ARHGEF7: variants seen among roughly 807,000 people sequenced by gnomAD.
ARHGEF7 encodes Rho guanine nucleotide exchange factor 7, also known as PAK-interacting exchange factor beta.
Under a neutral mutation model 109.8 loss-of-function variants are expected in ARHGEF7, and 33 were observed. That is an observed-to-expected ratio of 0.30 (90% confidence interval 0.23 to 0.40). The LOEUF (loss-of-function observed/expected upper bound fraction) is 0.40. Among genes scored for constraint, ARHGEF7 ranks in the 10% least tolerant of loss-of-function variants. The pLI, the probability that ARHGEF7 is intolerant of heterozygous loss-of-function variation, is 1.00. For missense variants in ARHGEF7, 938 were observed against 1,098.5 expected, an observed-to-expected ratio of 0.85 and a Z score of 2.07; for synonymous variants, 458 against 424.6, an observed-to-expected ratio of 1.08 and a Z score of -0.97.
At chr13:111,204,828 G>A (rs748182627) in intron 2 of ARHGEF7, among the ~76,000 whole-genome samples, 5 of 152,290 alleles carry the variant, frequency 3.3e-5, no homozygotes, top group East Asian at 3.9e-4. Flanking sequence ...TCTGATGTCC[G>A]CATTTTCTTT....
At chr13:111,128,804 C>G (rs1001380978) in intron 1 of ARHGEF7, among the ~76,000 whole-genome samples, 10 of 152,120 alleles carry the variant, frequency 6.6e-5, no homozygotes, top group African/African-American at 1.4e-4. Context: ...TTAAGCTGTT[C>G]TATTCATATT....
intron 8 of ARHGEF7, among the ~76,000 whole-genome samples, chr13:111,256,903 A>G (rs114571649): frequency 0.014 from 2,157 of 152,296 alleles, 46 homozygotes; most frequent in African/African-American, 0.048. Flanking sequence ...CATCCCAGAA[A>G]CTGGGGGTGA....
chr13:111,201,557 G>GT (rs1348855440), intron 2 of ARHGEF7, among the ~76,000 whole-genome samples: 5 of 152,210 alleles, frequency 3.3e-5, no homozygotes, highest in African/African-American at 1.2e-4. Context: ...ATTTTTAAAA[G>GT]TAAGAGTTTT....
intron 3 of ARHGEF7, among the ~76,000 whole-genome samples, chr13:111,206,842 G>A (rs972945675): frequency 6.6e-6 from 1 of 151,502 alleles, no homozygotes; most frequent in Non-Finnish European, 1.5e-5. Context: ...GGCACCTGTA[G>A]TCCCAGCTAC....
At chr13:111,283,560 G>A (rs1247329080) in intron 16 of ARHGEF7, among the ~76,000 whole-genome samples, 197 bp downstream of exon 16, 2 of 152,230 alleles carry the variant, frequency 1.3e-5, no homozygotes, top group African/African-American at 2.4e-5. Context: ...GTGGGAAGGC[G>A]ATGTGCAGGG....
At chr13:111,225,549 G>A (rs1195854272) in intron 5 of ARHGEF7, among the ~76,000 whole-genome samples, 4 of 151,648 alleles carry the variant, frequency 2.6e-5, no homozygotes, top group Non-Finnish European at 5.9e-5. Flanking sequence ...AAGGCTTGTG[G>A]CAACACTGTT....
At chr13:111,261,756 T>C (rs976192014) in intron 8 of ARHGEF7, among the ~76,000 whole-genome samples, 2 of 152,220 alleles carry the variant, frequency 1.3e-5, no homozygotes, top group African/African-American at 2.4e-5. Context: ...TAAAAAAATA[T>C]AATTTTATCA....
At chr13:111,200,605 T>G (rs2081108077) in intron 2 of ARHGEF7, among the ~76,000 whole-genome samples, 1 of 152,182 alleles carries the variant, frequency 6.6e-6, no homozygotes, top group South Asian at 2.1e-4. Context: ...ACCCTGCAGG[T>G]GCCAGCTAAA....
Position 111,168,497 on chromosome 13 carries a change from G to GCC in ARHGEF7, c.252+14506_252+14507insCC, listed in dbSNP as rs530873387. ...TGTTCTCAGAATGTTCCAAGAACTTGGAATATTAACAGGGAAATACCAGGG... is the reference window on the plus strand; with the variant it reads ...TGTTCTCAGAATGTTCCAAGAACTTGCCGAATATTAACAGGGAAATACCAGGG... On this transcript the variant is annotated intron_variant, in intron 2 of 21. Transcript: ENST00000646102. 1.2e-3 allele frequency among the ~76,000 whole-genome samples: 181 copies of GCC among 152,268 alleles called. 1 individual carries two copies. Among genetic ancestry groups the GCC allele is most frequent in the African/African-American group, 4.2e-3 (176 of 41,562 alleles).
chr13:111,275,872 A>G (rs2092446249), intron 12 of ARHGEF7, 194 bp downstream of exon 12: 2 of 652,744 alleles, frequency 3.1e-6, no homozygotes, highest in Admixed American at 2.7e-5. Context: ...CTGAGTGTGG[A>G]CTTGTTGATC....
chr13:111,123,841 C>A (rs1304353282), intron 1 of ARHGEF7, among the ~76,000 whole-genome samples: 1 of 144,480 alleles, frequency 6.9e-6, no homozygotes, highest in Non-Finnish European at 1.5e-5. Context: ...GGTAACTGGC[C>A]ATCGTTGGCT....
In ARHGEF7 at chr13:111,274,050, G is replaced by A; in HGVS notation, c.1212+98G>A. ...AAAGTATTATTCATGATTTATTTTA[G>A]AAGCCAGAACCAACAGAGTTTACAA... On this transcript the variant is annotated intron_variant, in intron 10 of 21. Transcript: ENST00000646102. 6.3e-6 allele frequency: 9 copies of A among 1,418,074 alleles called. No individual in the cohort carries two copies. In the South Asian group the frequency reaches 1.3e-4, roughly 20 times the overall value. The allele number at this position is 1,418,074 out of a possible 1,614,324, so 87.8% of individuals were successfully genotyped here. A position where few individuals can be genotyped will look rare whatever the true frequency, so the allele number is the denominator to read the frequency against.
Position 111,131,641 on chromosome 13 carries a change from A to C in ARHGEF7, c.165+15950A>C, listed in dbSNP as rs2153344600. Among the ~76,000 whole-genome samples, 1 of 152,306 alleles carries C rather than the reference A, an allele frequency of 6.6e-6. No individual in the cohort carries two copies. The highest frequency in any genetic ancestry group is 2.1e-4 in the South Asian group (1 of 4,830). On this transcript the variant is annotated intron_variant, in intron 1 of 21. Coordinates refer to ENST00000646102, the MANE Select transcript of ARHGEF7 (RefSeq NM_001354046.2). This position sits in a 1 kb window ranked among gnomAD's most constrained non-coding sequence, Gnocchi z 4.4. ...CTGATGAGCCTGAAGAGAGAAACTA[A>C]GGCAGGGTGGTCAGAGGCCATTAGG...
intron 8 of ARHGEF7, among the ~76,000 whole-genome samples, chr13:111,254,310 G>GT (rs1326067211): frequency 1.3e-5 from 2 of 152,214 alleles, no homozygotes; most frequent in Non-Finnish European, 2.9e-5. Context: ...TCTGGTGACA[G>GT]TTTTTTTAAA....
chr13:111,174,437 A>G (rs989640102), intron 2 of ARHGEF7, among the ~76,000 whole-genome samples: 11 of 152,166 alleles, frequency 7.2e-5, no homozygotes, highest in African/African-American at 2.4e-4. Context: ...CCCAGCAAGG[A>G]AGAGGCCATC....
In ARHGEF7 at chr13:111,172,765, G is replaced by C. The variant is rs577640280; in HGVS notation, c.252+18774G>C. Among the ~76,000 whole-genome samples, 13 of 152,332 alleles carry C rather than the reference G, an allele frequency of 8.5e-5. No individual in the cohort carries two copies. The East Asian group carries it at 2.5e-3, about 29-fold the overall frequency. On this transcript the variant is annotated intron_variant, in intron 2 of 21. Transcript: ENST00000646102. ...GACAGTAACTATCTTGTGGGGGCTG[G>C]GGTGGGGCAGACCTCTGTCACAATT...
intron 2 of ARHGEF7, among the ~76,000 whole-genome samples, chr13:111,202,202 G>A (rs1009475474): frequency 7.9e-5 from 12 of 152,218 alleles, no homozygotes; most frequent in African/African-American, 2.9e-4. Flanking sequence ...CCAGCATGGT[G>A]CCTGTGTGGG....
At chr13:111,138,041 C>G (rs1020899361) in intron 1 of ARHGEF7, among the ~76,000 whole-genome samples, 4 of 152,122 alleles carry the variant, frequency 2.6e-5, no homozygotes, top group Admixed American at 2.0e-4. Context: ...GGGCCAGGCA[C>G]GGTGGCTCAC....
intron 8 of ARHGEF7, among the ~76,000 whole-genome samples, chr13:111,261,033 G>C (rs1410843822): frequency 3.9e-5 from 6 of 151,946 alleles, no homozygotes; most frequent in Admixed American, 3.9e-4. Context: ...TAAAACCAGA[G>C]AGAATCACCT....
Sources: gnomAD v4.1 joint callset for allele counts (sites outside exome capture counted in the v4.1 genomes callset) on GRCh38, gnomAD v4.1.1 for gene constraint, Gnocchi (gnomAD v3.1) non-coding constraint, MANE v1.5 for transcripts, NCBI Gene and HGNC (gene_info 2026-07-23, HGNC 2026-07-21) for gene names.